CADM2: variants seen among roughly 807,000 people sequenced by gnomAD.
The protein encoded by CADM2 is immunoglobulin superfamily member 4D.
A neutral mutation model predicts 49.8 loss-of-function variants in CADM2; 12 were observed. The observed-to-expected ratio is 0.24, with a 90% confidence interval of 0.15 to 0.39. CADM2 has a LOEUF of 0.39. Among genes scored for constraint, CADM2 ranks in the 10% least tolerant of loss-of-function variants. CADM2 has a pLI of 1.00. For missense variants in CADM2, 378 were observed against 492.3 expected, an observed-to-expected ratio of 0.77 and a Z score of 2.20; for synonymous variants, 214 against 175.4, an observed-to-expected ratio of 1.22 and a Z score of -1.74.
At chr3:85,806,351 C>T (rs1163325086) in intron 3 of CADM2, among the ~76,000 whole-genome samples, 1 of 152,168 alleles carries the variant, frequency 6.6e-6, no homozygotes, top group Non-Finnish European at 1.5e-5. Flanking sequence ...ACCATTACTA[C>T]TGCTACTATG....
At chr3:85,415,172 C>T (rs915308700) in intron 1 of CADM2, among the ~76,000 whole-genome samples, 8 of 151,992 alleles carry the variant, frequency 5.3e-5, no homozygotes, top group Admixed American at 1.3e-4. Context: ...TTTGTATCTT[C>T]AGAAAATACA....
At chr3:85,505,546 A>G (rs1347806939) in intron 1 of CADM2, among the ~76,000 whole-genome samples, 2 of 152,182 alleles carry the variant, frequency 1.3e-5, no homozygotes, top group Non-Finnish European at 2.9e-5. Flanking sequence ...TTAAATCCCA[A>G]ACACTTGGTG....
chr3:85,098,256 GAAA>G (rs5850666), intron 1 of CADM2, among the ~76,000 whole-genome samples: 49 of 117,460 alleles, frequency 4.2e-4, no homozygotes, highest in African/African-American at 1.8e-3. Flanking sequence ...CATTATCGTA[GAAA>G]AAAAAAAAAA....
At chr3:85,407,464 T>A (rs2035439595) in intron 1 of CADM2, among the ~76,000 whole-genome samples, 1 of 152,170 alleles carries the variant, frequency 6.6e-6, no homozygotes, top group Non-Finnish European at 1.5e-5. Flanking sequence ...TTTTGAAATA[T>A]CCCCCTAACC....
chr3:85,850,303 C>G (rs1293466849), intron 3 of CADM2, among the ~76,000 whole-genome samples: 1 of 139,914 alleles, frequency 7.1e-6, no homozygotes, highest in East Asian at 2.1e-4. Flanking sequence ...CTGTTCTGGT[C>G]TGTTGCAATT....
At chr3:84,982,965 T>G (rs1190599683) in intron 1 of CADM2, among the ~76,000 whole-genome samples, 1 of 148,700 alleles carries the variant, frequency 6.7e-6, no homozygotes, top group Non-Finnish European at 1.5e-5. Context: ...GCCATGATGG[T>G]CTCAATCTCC....
intron 1 of CADM2, among the ~76,000 whole-genome samples, chr3:85,072,811 A>G: frequency 6.6e-6 from 1 of 152,198 alleles, no homozygotes; most frequent in East Asian, 1.9e-4. Flanking sequence ...TTATCATTTA[A>G]AATCTTCTAA....
chr3:86,048,016 TA>T (rs984192779), intron 8 of CADM2, among the ~76,000 whole-genome samples: 3 of 152,122 alleles, frequency 2.0e-5, no homozygotes, highest in African/African-American at 7.2e-5. Context: ...TGTTTTTACA[TA>T]ATAAGAAAAC....
intron 1 of CADM2, among the ~76,000 whole-genome samples, chr3:85,359,542 G>A (rs1480352256): frequency 2.7e-5 from 4 of 147,594 alleles, no homozygotes; most frequent in African/African-American, 1.0e-4. Context: ...AGGATCTAAG[G>A]CAACCCTGAA....
chr3:85,381,665 A>C (rs1255708706), intron 1 of CADM2, among the ~76,000 whole-genome samples: 2 of 151,796 alleles, frequency 1.3e-5, no homozygotes, highest in African/African-American at 4.8e-5. Flanking sequence ...ATAATAATAA[A>C]GTATATTTTT....
intron 2 of CADM2, among the ~76,000 whole-genome samples, chr3:85,748,104 G>T (rs922420823): frequency 6.6e-6 from 1 of 151,938 alleles, no homozygotes; most frequent in Non-Finnish European, 1.5e-5. Context: ...TTTATAAATT[G>T]AGAACTTTTC....
intron 1 of CADM2, among the ~76,000 whole-genome samples, chr3:85,695,982 T>G (rs2066542444): frequency 6.6e-6 from 1 of 152,118 alleles, no homozygotes; most frequent in Non-Finnish European, 1.5e-5. Flanking sequence ...TGTGTTTATA[T>G]TAAGTGTGTA....
intron 1 of CADM2, among the ~76,000 whole-genome samples, chr3:85,282,219 A>C (rs2106892981): frequency 6.7e-6 from 1 of 149,588 alleles, no homozygotes; most frequent in Non-Finnish European, 1.5e-5. Flanking sequence ...TGCTGCCAAA[A>C]TATCCACTTC....
At chr3:85,382,477 T>C (rs1457924847) in intron 1 of CADM2, among the ~76,000 whole-genome samples, 1 of 152,312 alleles carries the variant, frequency 6.6e-6, no homozygotes, top group East Asian at 1.9e-4. Context: ...TCTTAACTCA[T>C]TCTGCTTCCT....
At chr3:85,234,363 C>T (rs2042365509) in intron 1 of CADM2, among the ~76,000 whole-genome samples, 1 of 152,042 alleles carries the variant, frequency 6.6e-6, no homozygotes, top group African/African-American at 2.4e-5. Context: ...TAGTACCTTA[C>T]TTTGAATTTC....
chr3:85,111,963 C>T (rs1289524261), intron 1 of CADM2, among the ~76,000 whole-genome samples: 2 of 151,804 alleles, frequency 1.3e-5, no homozygotes, highest in African/African-American at 4.8e-5. Context: ...TGAGGTTAAA[C>T]AAATTCCATT....
At chr3:86,009,820 GTA>G (rs1291163889) in intron 8 of CADM2, among the ~76,000 whole-genome samples, 1 of 151,612 alleles carries the variant, frequency 6.6e-6, no homozygotes, top group Non-Finnish European at 1.5e-5. Flanking sequence ...TAAAAATTGT[GTA>G]TATACAACAT....
chr3:85,086,453 T>A (rs545148998), intron 1 of CADM2, among the ~76,000 whole-genome samples: 1 of 151,384 alleles, frequency 6.6e-6, no homozygotes, highest in South Asian at 2.1e-4. Flanking sequence ...TGTTTATTTT[T>A]AAAGAAAATA....
intron 8 of CADM2, among the ~76,000 whole-genome samples, chr3:85,964,146 A>C (rs1443665334): frequency 6.6e-6 from 1 of 151,888 alleles, no homozygotes. Flanking sequence ...AACCTTACTA[A>C]ATGATGAAAT....
Sources: allele counts gnomAD v4.1 joint callset (sites outside exome capture counted in the v4.1 genomes callset), GRCh38; gene constraint gnomAD v4.1.1; transcripts MANE v1.5; gene names NCBI Gene and HGNC (gene_info 2026-07-23, HGNC 2026-07-21).